The following DST variants were observed in gnomAD, a reference collection of about 807,000 sequenced individuals.
DST encodes the protein bullous pemphigoid antigen.
A neutral mutation model predicts 875.2 loss-of-function variants in DST; 253 were observed. That is an observed-to-expected ratio of 0.29 (90% CI 0.26 to 0.32). The LOEUF is 0.32. Among genes scored for constraint, DST ranks in the 10% least tolerant of loss-of-function variants. DST has a pLI of 1.00. For synonymous variants in DST, 3,124 were observed against 3,197.1 expected (o/e 0.98, Z 0.77); for missense variants, 8,287 against 9,111.6 (o/e 0.91, Z 3.68).
intron 9 of DST, among the ~76,000 whole-genome samples, chr6:56,674,692 A>T (rs1233514468): frequency 1.3e-5 from 2 of 152,226 alleles, no homozygotes; most frequent in African/African-American, 4.8e-5. Context: ...TAAAAAAAAG[A>T]CTTAGTAATA....
At chr6:56,723,116 T>C (rs547452322) in intron 5 of DST, among the ~76,000 whole-genome samples, 2 of 152,364 alleles carry the variant, frequency 1.3e-5, no homozygotes, top group East Asian at 3.8e-4. Flanking sequence ...AGAGCTGCCA[T>C]ATACATTTTA....
rs2099750197 is a variant in DST, at chr6:56,803,894, T to G, written c.625+47503A>C. ...TGGGAGATTTGAAGTGAAGGGAAGA[T>G]TTGTGTTAGAAATGAAGGCAGCTTT... is the stretch of plus-strand genomic sequence containing the variant. On this transcript the variant is annotated intron_variant, in intron 4 of 103. Coordinates refer to ENST00000680361, the MANE Select transcript of DST (RefSeq NM_001374736.1). Among the ~76,000 whole-genome samples the G allele has an allele frequency of 3.3e-5, 5 of 152,204 alleles. No individual in the cohort carries two copies. The South Asian group carries it at 8.3e-4, about 25-fold the overall frequency.
chr6:56,900,875 CAAAA>C (rs539371079), intron 2 of DST, among the ~76,000 whole-genome samples: 1 of 96,170 alleles, frequency 1.0e-5, no homozygotes, highest in African/African-American at 4.3e-5. Context: ...AAAGCCAGTC[CAAAA>C]AAAAAAAAAA....
rs552447344 is a variant in DST, at chr6:56,644,698, G to A, written c.1778+1168C>T. On this transcript the variant is annotated intron_variant, in intron 15 of 103. Transcript: ENST00000680361. ...CCTAGGGAACCATGGAAAGTTTCTCGAGAAAATAATGTTGGAGCTGAGATC... is the reference window on the plus strand; with the variant it reads ...CCTAGGGAACCATGGAAAGTTTCTCAAGAAAATAATGTTGGAGCTGAGATC... Among the ~76,000 whole-genome samples, 6 of 152,284 alleles carry A rather than the reference G, an allele frequency of 3.9e-5. No homozygotes were observed. In the South Asian group the frequency reaches 1.0e-3, roughly 26 times the overall value.
At chr6:56,532,217 T>C in intron 64 of DST, 127 bp downstream of exon 64, 1 of 856,312 alleles carries the variant, frequency 1.2e-6, no homozygotes, top group Non-Finnish European at 1.8e-6. Context: ...ATCTTTGCTA[T>C]CTCTGTTCAC....
At chr6:56,559,583 G>A (rs2097500883) in intron 58 of DST, among the ~76,000 whole-genome samples, 1 of 152,046 alleles carries the variant, frequency 6.6e-6, no homozygotes, top group South Asian at 2.1e-4. Flanking sequence ...CTATTTGTTT[G>A]AGCCATATAC....
chr6:56,461,985 T>TA (rs2094352440), intron 102 of DST: 1 of 152,230 alleles, frequency 6.6e-6, no homozygotes, highest in African/African-American at 2.4e-5. Context: ...GTCATGAAGG[T>TA]AACACATTTT....
chr6:56,748,510 G>A (rs1360087788), intron 4 of DST, among the ~76,000 whole-genome samples: 1 of 152,158 alleles, frequency 6.6e-6, no homozygotes, highest in African/African-American at 2.4e-5. Flanking sequence ...CGATAATAGA[G>A]TATAATTAAG....
intron 9 of DST, among the ~76,000 whole-genome samples, chr6:56,676,848 G>A (rs1262188974): frequency 2.0e-5 from 3 of 152,152 alleles, no homozygotes; most frequent in Non-Finnish European, 4.4e-5. Context: ...TAGAAGTGGG[G>A]AGAGTAGAAC....
At chr6:56,516,250 G>A (rs1480496015) in intron 71 of DST, among the ~76,000 whole-genome samples, 1 of 151,914 alleles carries the variant, frequency 6.6e-6, no homozygotes, top group South Asian at 2.1e-4. Context: ...TGCTATACAC[G>A]GATTTAATGG....
At chr6:56,811,556 T>G (rs1283775653) in intron 4 of DST, among the ~76,000 whole-genome samples, 1 of 152,216 alleles carries the variant, frequency 6.6e-6, no homozygotes, top group African/African-American at 2.4e-5. Context: ...GTAAATTGGA[T>G]ACTATCTTTC....
At chr6:56,585,637 C>T (rs1404689762) in intron 49 of DST, among the ~76,000 whole-genome samples, 1 of 151,990 alleles carries the variant, frequency 6.6e-6, no homozygotes, top group African/African-American at 2.4e-5. Flanking sequence ...CTTCTGCTAG[C>T]TTTTGAATGT....
chr6:56,907,439 T>A (rs1267007276), intron 2 of DST, among the ~76,000 whole-genome samples: 1 of 152,160 alleles, frequency 6.6e-6, no homozygotes, highest in African/African-American at 2.4e-5. Flanking sequence ...TAGCAATAAT[T>A]TACTTAGCGC....
At chr6:56,565,764 C>G (rs191638557) in intron 55 of DST, among the ~76,000 whole-genome samples, 1 of 152,310 alleles carries the variant, frequency 6.6e-6, no homozygotes, top group Non-Finnish European at 1.5e-5. Context: ...AGCCAGCAGG[C>G]AGGGATGTTT....
chr6:56,838,851 T>A (rs529221002), intron 4 of DST, among the ~76,000 whole-genome samples: 1 of 152,342 alleles, frequency 6.6e-6, no homozygotes, highest in South Asian at 2.1e-4. Context: ...TTGAAAATAC[T>A]AAGAAACCTC....
At chr6:56,889,170 C>T (rs1043140858) in intron 3 of DST, among the ~76,000 whole-genome samples, 15 of 152,178 alleles carry the variant, frequency 9.9e-5, no homozygotes, top group South Asian at 4.2e-4. Context: ...AATTCATTTT[C>T]GGAGTCATCC....
chr6:56,492,265 C>T lies in DST; in HGVS notation c.20719G>A (p.Gly6907Arg). The T allele has an allele frequency of 1.2e-6, 2 of 1,613,840 alleles. No homozygotes were observed. The highest frequency in any genetic ancestry group is 1.3e-5 in the African/African-American group (1 of 75,030). The change falls in exon 85 of 104, where the codon GGA becomes AGA. Residue 6907 changes from glycine (G) to arginine (R), a missense_variant. By Grantham distance (125) the Gly-to-Arg change is moderately radical. This residue lies in a region of DST where 1,292 missense variants were observed against 1,552.7 expected (regional missense o/e 0.83). Coordinates refer to ENST00000680361, the MANE Select transcript of DST (RefSeq NM_001374736.1). ...EKVVQRLVER[G>R]RSLDDARKRA... ...TTCCTTGCATCATCCAAAGATCTTC[C>T]TCTCTCTACCAACCGTTGAACCACT...
chr6:56,628,662 T>C (rs1248088763), intron 32 of DST, among the ~76,000 whole-genome samples: 1 of 152,198 alleles, frequency 6.6e-6, no homozygotes, highest in Non-Finnish European at 1.5e-5. Context: ...ATAACACATA[T>C]TTGAACATAA....
At chr6:56,468,935 A>T (rs928688021) in intron 98 of DST, 47 bp downstream of exon 98, 3 of 1,381,298 alleles carry the variant, frequency 2.2e-6, no homozygotes, top group East Asian at 2.6e-5. Context: ...AATTAAAGTT[A>T]AAAAAAAATC....
Sources: gnomAD v4.1 joint callset for allele counts (sites outside exome capture counted in the v4.1 genomes callset) on GRCh38, gnomAD v4.1.1 for gene constraint, gnomAD v4.1.1 regional missense constraint, MANE v1.5 for transcripts, NCBI Gene and HGNC (gene_info 2026-07-23, HGNC 2026-07-21) for gene names.